The following TXNDC9 variants were observed in gnomAD, a reference collection of about 807,000 sequenced individuals.
The protein encoded by TXNDC9 is thioredoxin domain-containing protein 9.
A neutral mutation model predicts 23.0 loss-of-function variants in TXNDC9; 7 were observed. The observed-to-expected ratio is 0.30, with a 90% CI of 0.17 to 0.57. TXNDC9 has a LOEUF of 0.57. Among genes scored for constraint, TXNDC9 ranks in the 20% least tolerant of loss-of-function variants. TXNDC9 has a pLI of 0.90. For synonymous variants in TXNDC9, 72 were observed against 90.6 expected, an observed-to-expected ratio of 0.79 and a Z score of 1.17; for missense variants, 198 against 252.6, an observed-to-expected ratio of 0.78 and a Z score of 1.47.
At position 99,322,021 on chromosome 2, in the gene TXNDC9, T is replaced by A. The variant is rs1206029869; in HGVS notation, c.497A>T (p.Asn166Ile). 6.2e-7 allele frequency: 1 copy of A among 1,614,044 alleles called. No individual in the cohort carries two copies. ...DYVVGFTDLGNTDDFTTETLE... is the reference protein window; with the variant it reads ...DYVVGFTDLGITDDFTTETLE... Reference sequence around the variant, plus strand: ...AGTTTCTGTGGTGAAGTCATCTGTATTTCCTAGGTCAGTAAACCCAACAAC... The same window carrying A: ...AGTTTCTGTGGTGAAGTCATCTGTAATTCCTAGGTCAGTAAACCCAACAAC... Residue 166 changes from asparagine to isoleucine, a missense_variant, in exon 4 of 5, where the codon AAT becomes ATT. Coordinates refer to ENST00000264255, the MANE Select transcript of TXNDC9 (RefSeq NM_005783.4).
At chr2:99,334,767 C>G (rs935111819) in intron 1 of TXNDC9, among the ~76,000 whole-genome samples, 1 of 152,112 alleles carries the variant, frequency 6.6e-6, no homozygotes. Context: ...GGCTGGAGTG[C>G]AGTGGCGCAT....
intron 1 of TXNDC9, among the ~76,000 whole-genome samples, chr2:99,333,955 T>C (rs576568339): frequency 1.3e-5 from 2 of 152,376 alleles, no homozygotes; most frequent in East Asian, 3.9e-4. Context: ...TGGGTTTTTT[T>C]CCAACATCAC....
At chr2:99,306,817 A>C in the TXNDC9 span, 1 of 455,520 alleles carries the variant, frequency 2.2e-6, no homozygotes, top group South Asian at 1.6e-5. Context: ...TTTGGAACAC[A>C]GTCTTGGCCA....
chr2:99,324,689 T>C (rs2094209526), intron 3 of TXNDC9, among the ~76,000 whole-genome samples: 1 of 152,170 alleles, frequency 6.6e-6, no homozygotes, highest in Non-Finnish European at 1.5e-5. Flanking sequence ...TTCTCCTGGC[T>C]CAGCCTCCTA....
chr2:99,331,242 G>A (rs1009177482), intron 2 of TXNDC9, among the ~76,000 whole-genome samples: 12 of 152,070 alleles, frequency 7.9e-5, no homozygotes, highest in African/African-American at 2.4e-4. Context: ...CCAATAATCC[G>A]TCCTTTGCAT....
the TXNDC9 span, among the ~76,000 whole-genome samples, chr2:99,309,323 G>A: frequency 3.3e-5 from 5 of 151,846 alleles, no homozygotes; most frequent in African/African-American, 9.7e-5. Flanking sequence ...GGAGTGAACC[G>A]AGATCATGTC....
intron 2 of TXNDC9, among the ~76,000 whole-genome samples, chr2:99,330,290 C>CAAAAAAAATAAAAA (rs2094221743): frequency 3.6e-5 from 1 of 28,160 alleles, no homozygotes; most frequent in Non-Finnish European, 6.0e-5. Context: ...ACTCTTATCT[C>CAAAAAAAATAAAAA]AAAAAAAAAA....
downstream of TXNDC9, among the ~76,000 whole-genome samples, chr2:99,317,353 C>T (rs1247725825): frequency 6.6e-6 from 1 of 152,064 alleles, no homozygotes; most frequent in African/African-American, 2.4e-5. Context: ...TCCCTCCAAC[C>T]CCTACCCTCT....
intron 1 of TXNDC9, among the ~76,000 whole-genome samples, chr2:99,333,814 G>A (rs2094231639): frequency 6.6e-6 from 1 of 152,130 alleles, no homozygotes; most frequent in Admixed American, 6.5e-5. Flanking sequence ...TGTTCCCTGA[G>A]CATTAATGTC....
chr2:99,324,368 G>A (rs973432864), intron 3 of TXNDC9, among the ~76,000 whole-genome samples: 7 of 152,120 alleles, frequency 4.6e-5, no homozygotes, highest in Non-Finnish European at 8.8e-5. Context: ...TAACCTTGGT[G>A]CCTCATCACT....
the TXNDC9 span, among the ~76,000 whole-genome samples, chr2:99,313,462 A>C: frequency 2.0e-5 from 3 of 152,094 alleles, no homozygotes; most frequent in African/African-American, 7.2e-5. Flanking sequence ...TGTATCCCTA[A>C]ATAAATGCCT....
intron 3 of TXNDC9, among the ~76,000 whole-genome samples, chr2:99,325,222 G>T (rs973052457): frequency 3.0e-4 from 45 of 152,190 alleles, no homozygotes; most frequent in African/African-American, 1.1e-3. Flanking sequence ...CTGCATGCCT[G>T]TGTTAAAATA....
At chr2:99,317,746 G>A (rs1474741242), downstream of TXNDC9, among the ~76,000 whole-genome samples, 1 of 151,722 alleles carries the variant, frequency 6.6e-6, no homozygotes, top group Admixed American at 6.6e-5. Context: ...CCAAAGTACT[G>A]GTATTACAGG....
At chr2:99,313,020 G>T in the TXNDC9 span, among the ~76,000 whole-genome samples, 1 of 152,050 alleles carries the variant, frequency 6.6e-6, no homozygotes, top group African/African-American at 2.4e-5. Context: ...AAATTAGCCG[G>T]GTGTGGTGAC....
chr2:99,314,315 C>A (rs1490092200), downstream of TXNDC9, among the ~76,000 whole-genome samples: 1 of 152,070 alleles, frequency 6.6e-6, no homozygotes, highest in Non-Finnish European at 1.5e-5. Flanking sequence ...TGGATTCAAC[C>A]AACAGCAGAT....
intron 2 of TXNDC9, among the ~76,000 whole-genome samples, chr2:99,330,994 G>A (rs529965145): frequency 2.6e-5 from 4 of 152,144 alleles, no homozygotes; most frequent in Non-Finnish European, 5.9e-5. Flanking sequence ...AAGGCTTATA[G>A]CCAGTCTGCC....
downstream of TXNDC9, among the ~76,000 whole-genome samples, chr2:99,315,264 A>T (rs965035347): frequency 2.0e-5 from 3 of 151,284 alleles, no homozygotes; most frequent in Admixed American, 6.6e-5. Flanking sequence ...ACGGGGTTTC[A>T]CCGTGTTAGC....
chr2:99,321,690 C>T (rs915514533), intron 4 of TXNDC9: 10 of 361,252 alleles, frequency 2.8e-5, no homozygotes, highest in South Asian at 9.2e-5. Context: ...CAATAGTATA[C>T]GTTAAGCTGA....
intron 2 of TXNDC9, among the ~76,000 whole-genome samples, chr2:99,330,573 CTGGCTGTCAG>C (rs2094222400): frequency 6.6e-6 from 1 of 152,104 alleles, no homozygotes; most frequent in African/African-American, 2.4e-5. Context: ...TGGGCAGCAC[CTGGCTGTCAG>C]TGGCTGTCAC....
Sources: gnomAD v4.1 joint callset for allele counts (sites outside exome capture counted in the v4.1 genomes callset) on GRCh38, gnomAD v4.1.1 for gene constraint, MANE v1.5 for transcripts, NCBI Gene and HGNC (gene_info 2026-07-23, HGNC 2026-07-21) for gene names.